RBM47: variants seen among roughly 807,000 people sequenced by gnomAD.
The protein encoded by RBM47 is RNA-binding protein 47.
In RBM47, 21 loss-of-function variants were observed where a neutral mutation model predicts 47.1. That is an observed-to-expected ratio of 0.45 (90% CI 0.32 to 0.64). RBM47 has a LOEUF of 0.64. Among genes scored for constraint, RBM47 ranks in the 30% least tolerant of loss-of-function variants. The pLI is 0.05. For missense variants in RBM47, 708 were observed against 870.9 expected (o/e 0.81, Z 2.35); for synonymous variants, 375 against 361.7 (o/e 1.04, Z -0.42).
chr4:40,550,187 C>T (rs1231001429), intron 1 of RBM47, among the ~76,000 whole-genome samples: 1 of 151,864 alleles, frequency 6.6e-6, no homozygotes, highest in Non-Finnish European at 1.5e-5. Context: ...TACACAAGAC[C>T]ATAAATTTTG....
chr4:40,436,767 T>C, intron 4 of RBM47, 120 bp from the exon 5 acceptor site: 1 of 903,982 alleles, frequency 1.1e-6, no homozygotes, highest in South Asian at 1.3e-5. Flanking sequence ...GCTACACCTT[T>C]GCTCTTTAAT....
At chr4:40,475,313 T>C (rs906369058) in intron 2 of RBM47, among the ~76,000 whole-genome samples, 2 of 152,184 alleles carry the variant, frequency 1.3e-5, no homozygotes, top group Admixed American at 6.5e-5. Flanking sequence ...ACACTGACTC[T>C]GAAATGGCTT....
At chr4:40,440,105 T>C (rs1713394969) in intron 3 of RBM47, among the ~76,000 whole-genome samples, 1 of 152,238 alleles carries the variant, frequency 6.6e-6, no homozygotes, top group African/African-American at 2.4e-5. Context: ...CTGCAGACTA[T>C]ACTTCTGTAA....
chr4:40,495,035 C>T (rs958564501), intron 2 of RBM47, among the ~76,000 whole-genome samples: 1 of 152,032 alleles, frequency 6.6e-6, no homozygotes, highest in African/African-American at 2.4e-5. Flanking sequence ...TCGAATTCCC[C>T]AGCTCAAGCG....
chr4:40,470,795 T>C (rs1718740551), intron 2 of RBM47, among the ~76,000 whole-genome samples: 1 of 152,134 alleles, frequency 6.6e-6, no homozygotes. Context: ...TAGGCTGGAG[T>C]GCAGTGGCGT....
At chr4:40,562,558 G>A (rs908610816) in intron 1 of RBM47, among the ~76,000 whole-genome samples, 3 of 149,448 alleles carry the variant, frequency 2.0e-5, no homozygotes, top group African/African-American at 4.9e-5. Flanking sequence ...CTCTGCCTCC[G>A]GGGTTCAAGC....
chr4:40,620,941 GTGTATTTTT>G (rs1298549606), intron 1 of RBM47, among the ~76,000 whole-genome samples: 1 of 151,686 alleles, frequency 6.6e-6, no homozygotes, highest in Non-Finnish European at 1.5e-5. Context: ...TAATTTGTCT[GTGTATTTTT>G]TGAACTCCTC....
intron 2 of RBM47, among the ~76,000 whole-genome samples, chr4:40,511,474 G>C (rs1051556693): frequency 2.6e-5 from 4 of 152,164 alleles, no homozygotes; most frequent in Admixed American, 2.6e-4. Context: ...TGACATAGAA[G>C]CATTATTATC....
chr4:40,540,638 CAAAAA>C lies in RBM47; in HGVS notation c.-155+3779_-155+3783del, dbSNP rs367927651. Among the ~76,000 whole-genome samples, 589 of 106,948 alleles carry C rather than the reference CAAAAA, an allele frequency of 5.5e-3. 9 individuals carry two copies. The highest frequency in any genetic ancestry group is 0.023 in the African/African-American group (571 of 25,094). 70.2% of individuals were successfully genotyped at this position (106,948 alleles called of 152,430 possible). The stretch of plus-strand genomic sequence containing the variant: ...AGGTAACAGGAGTGAAACTCTGTCT[CAAAAA>C]AAAAAAAAAATAATAATAATAATAA... On this transcript the variant is annotated intron_variant, in intron 2 of 6. Coordinates refer to ENST00000295971, the MANE Select transcript of RBM47 (RefSeq NM_001098634.2).
rs78886757 is a variant in RBM47, at chr4:40,591,370, A to G, written c.-240+38026T>C. Among the ~76,000 whole-genome samples the G allele has an allele frequency of 8.7e-3, 1,332 of 152,272 alleles. 17 individuals carry two copies. Among genetic ancestry groups the G allele is most frequent in the African/African-American group, 0.03 (1,259 of 41,538 alleles). ...GTAAATTTTGGTCTAAAAAAAGGCA[A>G]CAACATCTGGGATAAGAAAATCAGA... is the stretch of plus-strand genomic sequence containing the variant. On this transcript the variant is annotated intron_variant, in intron 1 of 6. Transcript: ENST00000295971.
chr4:40,493,409 A>G (rs1023261620), intron 2 of RBM47, among the ~76,000 whole-genome samples: 3 of 152,224 alleles, frequency 2.0e-5, no homozygotes, highest in Non-Finnish European at 4.4e-5. Context: ...ATGTGTCCAC[A>G]GAACACTTGG....
intron 1 of RBM47, among the ~76,000 whole-genome samples, chr4:40,609,921 T>C (rs924874941): frequency 1.5e-4 from 22 of 151,578 alleles, no homozygotes; most frequent in African/African-American, 4.6e-4. Flanking sequence ...ATGGAGAAAC[T>C]GTCTCTACTA....
chr4:40,555,182 C>T (rs1239354747), intron 1 of RBM47, among the ~76,000 whole-genome samples: 1 of 152,236 alleles, frequency 6.6e-6, no homozygotes, highest in East Asian at 1.9e-4. Flanking sequence ...GGCAATCCAC[C>T]CGCCTCAGAC....
At chr4:40,541,360 T>C (rs1728524060) in intron 2 of RBM47, among the ~76,000 whole-genome samples, 1 of 152,128 alleles carries the variant, frequency 6.6e-6, no homozygotes, top group East Asian at 1.9e-4. Context: ...TCCTTTTGTG[T>C]ATACATGAAC....
chr4:40,428,062 G>A (rs150227766), intron 6 of RBM47, among the ~76,000 whole-genome samples: 8 of 152,154 alleles, frequency 5.3e-5, no homozygotes, highest in African/African-American at 1.9e-4. Flanking sequence ...ATGGCGGTGC[G>A]TACTCCTGTA....
At chr4:40,503,535 G>A (rs74499300) in intron 2 of RBM47, among the ~76,000 whole-genome samples, 1 of 152,298 alleles carries the variant, frequency 6.6e-6, no homozygotes, top group African/African-American at 2.4e-5. Flanking sequence ...GGGCAGCAGA[G>A]ACAGTGACTG....
intron 2 of RBM47, among the ~76,000 whole-genome samples, chr4:40,471,485 G>A (rs1035546343): frequency 1.3e-5 from 2 of 152,064 alleles, no homozygotes; most frequent in African/African-American, 4.8e-5. Flanking sequence ...ATCACCTGAG[G>A]TCAGGAGTTC....
intron 2 of RBM47, among the ~76,000 whole-genome samples, chr4:40,502,828 G>A (rs1175036694): frequency 6.6e-6 from 1 of 151,734 alleles, no homozygotes; most frequent in African/African-American, 2.4e-5. Flanking sequence ...CCTGGGTTGA[G>A]AGAGCAAAAC....
chr4:40,593,234 G>A (rs10049590), intron 1 of RBM47, among the ~76,000 whole-genome samples: 4,132 of 150,330 alleles, frequency 0.027, 185 homozygotes, highest in African/African-American at 0.095. Flanking sequence ...TCCTGACCTC[G>A]TGATCCGCCC....
Sources: gnomAD v4.1 joint callset for allele counts (sites outside exome capture counted in the v4.1 genomes callset) on GRCh38, gnomAD v4.1.1 for gene constraint, MANE v1.5 for transcripts, NCBI Gene and HGNC (gene_info 2026-07-23, HGNC 2026-07-21) for gene names.